Variants in PGGT1B observed in about 807,000 individuals in gnomAD.
PGGT1B encodes geranylgeranyl transferase type-1 subunit beta.
A neutral mutation model predicts 46.1 loss-of-function variants in PGGT1B; 30 were observed. The ratio of observed to expected loss-of-function variants is 0.65; its 90% CI spans 0.49 to 0.88. The LOEUF (loss-of-function observed/expected upper bound fraction) is 0.88. Ranked by LOEUF, PGGT1B falls within the 40% of genes least tolerant of loss-of-function variation. The probability of loss-of-function intolerance (pLI) is 0.00; values close to 1 mark genes in which losing one functional copy is unlikely to be tolerated. For synonymous variants in PGGT1B, 170 were observed against 160.0 expected (o/e 1.06, Z -0.47); for missense variants, 376 against 455.9 (o/e 0.82, Z 1.60).
rs1168363156 is a variant in PGGT1B, at chr5:115,212,549, C to G, written c.987G>C (p.Leu329=). The G allele has an allele frequency of 1.9e-6, 3 of 1,612,956 alleles. No homozygotes were observed. Among genetic ancestry groups the G allele is most frequent in the Admixed American group, 1.7e-5 (1 of 59,912 alleles). ...ALHAYFGICG[L]SLMEESGICK... Reference sequence around the variant, plus strand: ...AAATTCCACTTTCCTCCATTAGTGACAGGCCACAGATCCCAAAGTATGCAT... The same window carrying G: ...AAATTCCACTTTCCTCCATTAGTGAGAGGCCACAGATCCCAAAGTATGCAT... Residue 329 remains leucine (L), a synonymous_variant, in exon 9 of 9, where the codon CTG becomes CTC. Coordinates refer to ENST00000419445, the MANE Select transcript of PGGT1B (RefSeq NM_005023.4).
At chr5:115,249,986 G>A (rs1748019312) in intron 2 of PGGT1B, among the ~76,000 whole-genome samples, 1 of 151,704 alleles carries the variant, frequency 6.6e-6, no homozygotes, top group Middle Eastern at 3.2e-3. Flanking sequence ...AATAAATTTT[G>A]TCATTTTCTA....
intron 6 of PGGT1B, among the ~76,000 whole-genome samples, chr5:115,224,682 C>T (rs1010221491): frequency 8.6e-5 from 13 of 152,042 alleles, no homozygotes; most frequent in African/African-American, 2.9e-4. Context: ...CCAGCCTGGG[C>T]AACATAAGGA....
At position 115,216,888 on chromosome 5, in the gene PGGT1B, G is replaced by C. The variant is rs1347164802; in HGVS notation, c.929C>G (p.Ala310Gly). The C allele has an allele frequency of 1.3e-6, 2 of 1,579,298 alleles. No individual in the cohort carries two copies. The highest frequency in any genetic ancestry group is 1.7e-6 in the Non-Finnish European group (2 of 1,150,778). Residue 310 changes from alanine to glycine, a missense_variant, in exon 8 of 9, where the codon GCC (alanine) becomes GGC (glycine). Physicochemically the swap from Ala to Gly is moderately conservative, Grantham distance 60 (BLOSUM62 0). This residue lies in a region of PGGT1B where 222 missense variants were observed against 313.6 expected (regional missense o/e 0.71). Coordinates refer to ENST00000419445, the MANE Select transcript of PGGT1B (RefSeq NM_005023.4). ...STQDRLVGGF[A>G]KWPDSHPDAL... The stretch of plus-strand genomic sequence containing the variant: ...ACCTGGATGACTGTCTGGCCACTTG[G>C]CAAATCCCCCTACAAGGCGATCTTG...
intron 6 of PGGT1B, 31 bp downstream of exon 6, chr5:115,230,945 A>T (rs2127004628): frequency 7.1e-7 from 1 of 1,412,464 alleles, no homozygotes; most frequent in East Asian, 2.3e-5. Context: ...AACAAAAGAA[A>T]CTACATGTTC....
chr5:115,260,887 T>C (rs1185999046), intron 1 of PGGT1B, among the ~76,000 whole-genome samples: 1 of 152,242 alleles, frequency 6.6e-6, no homozygotes, highest in African/African-American at 2.4e-5. Context: ...CATTATTCTA[T>C]ATGGATTTGT....
At chr5:115,232,291 G>C (rs1757015353) in intron 5 of PGGT1B, among the ~76,000 whole-genome samples, 1 of 151,980 alleles carries the variant, frequency 6.6e-6, no homozygotes, top group Non-Finnish European at 1.5e-5. Flanking sequence ...GATAAAAAAA[G>C]AGGAAGATGT....
In PGGT1B at chr5:115,209,037, T is replaced by C. The variant is rs1183167907; in HGVS notation, c.*3365A>G. ...TTTTCCCCTTAACTGAAATGAGTTTTTCTGTACTTTTAGGAGGAAGGAGTG... is the reference window on the plus strand; with the variant it reads ...TTTTCCCCTTAACTGAAATGAGTTTCTCTGTACTTTTAGGAGGAAGGAGTG... On this transcript the variant is annotated 3_prime_UTR_variant, in exon 9 of 9. Coordinates refer to ENST00000419445, the MANE Select transcript of PGGT1B (RefSeq NM_005023.4). 3.3e-5 allele frequency: 5 copies of C among 152,040 alleles called. No homozygotes were observed. Among genetic ancestry groups the C allele is most frequent in the Non-Finnish European group, 7.4e-5 (5 of 67,986 alleles). 9.4% of individuals were successfully genotyped at this position (152,040 alleles called of 1,614,324 possible). A position where few individuals can be genotyped will look rare whatever the true frequency, so the allele number is the denominator to read the frequency against.
At chr5:115,241,245 T>C (rs947020258) in intron 3 of PGGT1B, among the ~76,000 whole-genome samples, 1 of 152,150 alleles carries the variant, frequency 6.6e-6, no homozygotes, top group Non-Finnish European at 1.5e-5. Flanking sequence ...CCAATAACTT[T>C]TACACACAGA....
At position 115,208,938 on chromosome 5, in the gene PGGT1B, G is replaced by C. The variant is rs1450601172; in HGVS notation, c.*3464C>G. On this transcript the variant is annotated 3_prime_UTR_variant, in exon 9 of 9. Transcript: ENST00000419445. Reference sequence around the variant, plus strand: ...TGCTTTCATTGTCTGTGAGGATGTTGATCTATTTATTCTCTTATTTCTTAT... The same window carrying C: ...TGCTTTCATTGTCTGTGAGGATGTTCATCTATTTATTCTCTTATTTCTTAT... 6.6e-6 allele frequency: 1 copy of C among 151,872 alleles called. No individual in the cohort carries two copies. The highest frequency in any genetic ancestry group is 1.5e-5 in the Non-Finnish European group (1 of 67,944). The allele number at this position is 151,872 out of a possible 1,614,324, so 9.4% of individuals were successfully genotyped here. A position where few individuals can be genotyped will look rare whatever the true frequency, so the allele number is the denominator to read the frequency against.
At chr5:115,229,894 C>A (rs1391757057) in intron 6 of PGGT1B, among the ~76,000 whole-genome samples, 3 of 151,934 alleles carry the variant, frequency 2.0e-5, no homozygotes, top group Non-Finnish European at 2.9e-5. Flanking sequence ...AGAGGAAACT[C>A]CAGGACAGTG....
chr5:115,236,614 T>TA, intron 4 of PGGT1B, 92 bp from the exon 5 acceptor site: 2 of 694,326 alleles, frequency 2.9e-6, no homozygotes, highest in East Asian at 3.2e-5. Context: ...TTGTCTTTAC[T>TA]AACAGAAAAA....
intron 8 of PGGT1B, 22 bp downstream of exon 8, chr5:115,216,843 G>A (rs1465676989): frequency 8.4e-7 from 1 of 1,196,254 alleles, no homozygotes; most frequent in Non-Finnish European, 1.2e-6. Flanking sequence ...AGGTTGTTCT[G>A]ATTCACAAAG....
At chr5:115,218,559 G>C (rs988106074) in intron 7 of PGGT1B, among the ~76,000 whole-genome samples, 12 of 149,080 alleles carry the variant, frequency 8.0e-5, no homozygotes, top group African/African-American at 2.9e-4. Context: ...GGGGATGGTA[G>C]GGAACCAACT....
chr5:115,250,458 T>TC (rs1409075116), intron 2 of PGGT1B, among the ~76,000 whole-genome samples: 1 of 152,140 alleles, frequency 6.6e-6, no homozygotes, highest in Non-Finnish European at 1.5e-5. Context: ...TTCACTTGTC[T>TC]CCCTTCCAGA....
chr5:115,236,106 T>A (rs1314490955), intron 5 of PGGT1B, among the ~76,000 whole-genome samples: 2 of 152,132 alleles, frequency 1.3e-5, no homozygotes, highest in Non-Finnish European at 2.9e-5. Context: ...GCTGTCAATA[T>A]TCGACTTTCA....
chr5:115,214,740 C>T (rs962579475), intron 8 of PGGT1B, among the ~76,000 whole-genome samples: 6 of 152,290 alleles, frequency 3.9e-5, no homozygotes, highest in African/African-American at 1.4e-4. Flanking sequence ...CTATTGGAAA[C>T]ACTGAATGTA....
At chr5:115,256,334 C>A (rs377071808) in intron 1 of PGGT1B, among the ~76,000 whole-genome samples, 2 of 152,126 alleles carry the variant, frequency 1.3e-5, no homozygotes, top group Non-Finnish European at 2.9e-5. Flanking sequence ...TATCTGTATA[C>A]GTTATCTGAA....
At chr5:115,234,012 G>A (rs1757086736) in intron 5 of PGGT1B, among the ~76,000 whole-genome samples, 1 of 151,780 alleles carries the variant, frequency 6.6e-6, no homozygotes, top group South Asian at 2.1e-4. Context: ...AGCATTATTT[G>A]TAATTGCAAA....
chr5:115,247,689 T>A (rs1192244931), intron 2 of PGGT1B, among the ~76,000 whole-genome samples: 1 of 152,166 alleles, frequency 6.6e-6, no homozygotes, highest in African/African-American at 2.4e-5. Context: ...AAAAAAATTT[T>A]AAATATACCT....
Sources: allele counts gnomAD v4.1 joint callset (sites outside exome capture counted in the v4.1 genomes callset), GRCh38; gene constraint gnomAD v4.1.1; regional missense constraint gnomAD v4.1.1; transcripts MANE v1.5; gene names NCBI Gene and HGNC (gene_info 2026-07-23, HGNC 2026-07-21).